MSRB3: variants seen among roughly 807,000 people sequenced by gnomAD.
The protein encoded by MSRB3 is methionine sulfoxide reductase B3.
Under a neutral mutation model 21.0 loss-of-function variants are expected in MSRB3, and 13 were observed. The ratio of observed to expected loss-of-function variants is 0.62; its 90% CI spans 0.40 to 0.98. The LOEUF (loss-of-function observed/expected upper bound fraction) is 0.98, where lower values mean the gene tolerates loss of function less well. Among genes scored for constraint, MSRB3 ranks in the 50% least tolerant of loss-of-function variants. The pLI is 0.00. For missense variants in MSRB3, 199 were observed against 230.3 expected (o/e 0.86, Z 0.88); for synonymous variants, 87 against 88.6 (o/e 0.98, Z 0.10).
chr12:65,443,363 A>G (rs1465917927), intron 5 of MSRB3, among the ~76,000 whole-genome samples: 1 of 152,118 alleles, frequency 6.6e-6, no homozygotes, highest in Non-Finnish European at 1.5e-5. Context: ...TGAACTTGTT[A>G]ATAATTTTTT....
At chr12:65,287,035 A>G (rs1872397321) in intron 1 of MSRB3, among the ~76,000 whole-genome samples, 1 of 149,462 alleles carries the variant, frequency 6.7e-6, no homozygotes, top group East Asian at 1.9e-4. Flanking sequence ...AAAAAAAAAA[A>G]AAAAAAAAAA....
At chr12:65,412,874 A>G (rs1350916566) in intron 5 of MSRB3, among the ~76,000 whole-genome samples, 2 of 152,182 alleles carry the variant, frequency 1.3e-5, no homozygotes, top group African/African-American at 4.8e-5. Flanking sequence ...TTTCTTTGCA[A>G]GGTGGCAGGA....
chr12:65,426,928 T>G (rs917009997), intron 5 of MSRB3, among the ~76,000 whole-genome samples: 1 of 152,204 alleles, frequency 6.6e-6, no homozygotes, highest in Non-Finnish European at 1.5e-5. Context: ...GTTTTGGTCT[T>G]ACAGTGTTTT....
intron 4 of MSRB3, among the ~76,000 whole-genome samples, chr12:65,348,375 A>G (rs1369872240): frequency 6.6e-6 from 1 of 152,094 alleles, no homozygotes; most frequent in African/African-American, 2.4e-5. Context: ...ATTTGCATAG[A>G]GGTGTTTATA....
chr12:65,403,176 C>T (rs553906239), intron 5 of MSRB3, among the ~76,000 whole-genome samples: 97 of 152,330 alleles, frequency 6.4e-4, no homozygotes, highest in African/African-American at 2.2e-3. Flanking sequence ...CAGGCAGGAA[C>T]GTTTAAGTCT....
intron 4 of MSRB3, among the ~76,000 whole-genome samples, chr12:65,337,897 A>G (rs1875887829): frequency 6.6e-6 from 1 of 152,202 alleles, no homozygotes; most frequent in Non-Finnish European, 1.5e-5. Flanking sequence ...GAGTTTTAAT[A>G]CATTTGTCAT....
At chr12:65,353,855 G>A (rs568730556) in intron 4 of MSRB3, among the ~76,000 whole-genome samples, 2 of 151,650 alleles carry the variant, frequency 1.3e-5, no homozygotes, top group African/African-American at 4.8e-5. Flanking sequence ...TTTTTGCAGC[G>A]GCTGGTACTG....
intron 5 of MSRB3, among the ~76,000 whole-genome samples, chr12:65,391,577 T>A (rs1437517776): frequency 6.6e-6 from 1 of 152,212 alleles, no homozygotes; most frequent in African/African-American, 2.4e-5. Context: ...AATACTGTCA[T>A]ATCAAATAAT....
intron 5 of MSRB3, chr12:65,419,677 T>C: frequency 1.4e-6 from 1 of 729,314 alleles, no homozygotes; most frequent in Non-Finnish European, 2.5e-6. Context: ...CTTCTCCAGG[T>C]GCTCCCAGAT....
intron 5 of MSRB3, among the ~76,000 whole-genome samples, chr12:65,386,548 TAAAC>T (rs1352521584): frequency 5.9e-5 from 9 of 151,964 alleles, no homozygotes; most frequent in Admixed American, 5.9e-4. Context: ...AAAATACACT[TAAAC>T]AAATACTTCA....
At chr12:65,419,080 G>A in intron 5 of MSRB3, 1 of 696,546 alleles carries the variant, frequency 1.4e-6, no homozygotes, top group Admixed American at 2.0e-5. Flanking sequence ...ATTTCTCATG[G>A]AGTCCAGGTC....
chr12:65,330,176 CTGTT>C (rs1166879362), intron 4 of MSRB3, among the ~76,000 whole-genome samples: 1 of 152,162 alleles, frequency 6.6e-6, no homozygotes. Flanking sequence ...AGAAAACTTA[CTGTT>C]TTAAATAAGA....
At chr12:65,291,347 A>G (rs1872655324) in intron 1 of MSRB3, among the ~76,000 whole-genome samples, 1 of 151,934 alleles carries the variant, frequency 6.6e-6, no homozygotes, top group Admixed American at 6.6e-5. Flanking sequence ...CGGCCCCCCA[A>G]AGTGCTGGGA....
chr12:65,451,948 T>C (rs983093363), intron 5 of MSRB3, among the ~76,000 whole-genome samples: 3 of 152,174 alleles, frequency 2.0e-5, no homozygotes, highest in Non-Finnish European at 4.4e-5. Context: ...CTTCAAGGTG[T>C]TCACTAACTA....
rs572981435 is a variant in MSRB3, at chr12:65,296,068, T to C, written c.-51-12461T>C. On this transcript the variant is annotated intron_variant, in intron 1 of 6. Transcript: ENST00000308259. The stretch of plus-strand genomic sequence containing the variant: ...TTGTTTTGTCAAATACTCATTTTAT[T>C]AGTGTATTTTCTTCATGCATACACA... Among the ~76,000 whole-genome samples, 9 of 152,374 alleles carry C rather than the reference T, an allele frequency of 5.9e-5. No individual in the cohort carries two copies. In the South Asian group the frequency reaches 1.9e-3, roughly 32 times the overall value.
chr12:65,388,345 G>A (rs1290754575), intron 5 of MSRB3, among the ~76,000 whole-genome samples: 1 of 151,986 alleles, frequency 6.6e-6, no homozygotes, highest in Non-Finnish European at 1.5e-5. Context: ...GGTCAAGGCA[G>A]GTACACAGCC....
At chr12:65,349,960 T>A (rs1230609350) in intron 4 of MSRB3, among the ~76,000 whole-genome samples, 13 of 152,134 alleles carry the variant, frequency 8.5e-5, no homozygotes, top group South Asian at 2.1e-4. Context: ...TTGCTTTTGG[T>A]GTTTTGGACA....
intron 5 of MSRB3, among the ~76,000 whole-genome samples, chr12:65,444,787 C>A (rs1430999884): frequency 3.3e-5 from 5 of 152,166 alleles, no homozygotes; most frequent in African/African-American, 7.2e-5. Flanking sequence ...CATCCTTAAG[C>A]AATTTTCTCC....
intron 1 of MSRB3, among the ~76,000 whole-genome samples, chr12:65,294,553 A>G (rs1213131269): frequency 1.3e-5 from 2 of 152,160 alleles, no homozygotes; most frequent in Non-Finnish European, 2.9e-5. Context: ...TTTGAAAGGT[A>G]CTTATTTTAT....
Sources: gnomAD v4.1 joint callset for allele counts (sites outside exome capture counted in the v4.1 genomes callset) on GRCh38, gnomAD v4.1.1 for gene constraint, MANE v1.5 for transcripts, NCBI Gene and HGNC (gene_info 2026-07-23, HGNC 2026-07-21) for gene names.